The following TNFAIP6 variants were observed in gnomAD, a reference collection of about 807,000 sequenced individuals.
The protein encoded by TNFAIP6 is TNF alpha induced protein 6.
TNFAIP6 carries 36 observed loss-of-function variants against 33.7 expected under a neutral mutation model. The observed-to-expected ratio is 1.07, with a 90% CI of 0.82 to 1.41. The LOEUF (loss-of-function observed/expected upper bound fraction) is 1.41. Ranked by LOEUF, TNFAIP6 falls within the 40% of genes most tolerant of loss-of-function variation. The pLI, the probability that TNFAIP6 is intolerant of heterozygous loss-of-function variation, is 0.00. For synonymous variants in TNFAIP6, 113 were observed against 112.8 expected, an observed-to-expected ratio of 1.00 and a Z score of -0.01; for missense variants, 273 against 331.9, an observed-to-expected ratio of 0.82 and a Z score of 1.38.
intron 1 of TNFAIP6, 117 bp from the exon 2 acceptor site, chr2:151,363,826 C>T (rs1573779461): frequency 3.1e-6 from 4 of 1,310,310 alleles, no homozygotes; most frequent in Non-Finnish European, 3.0e-6. Context: ...GCAGCCAACC[C>T]AGAAAGCCCT....
chr2:151,379,227 TGAGAATCGACCTCTGAATTCTG>T, intron 5 of TNFAIP6, 115 bp from the exon 6 acceptor site: 1 of 790,540 alleles, frequency 1.3e-6, no homozygotes, highest in Non-Finnish European at 1.9e-6. Flanking sequence ...CTCTTCAGCT[TGAGAATCGACCTCTGAATTCTG>T]GGAATCTTGT....
chr2:151,375,956 C>A (rs1684899363), intron 5 of TNFAIP6, among the ~76,000 whole-genome samples: 1 of 152,012 alleles, frequency 6.6e-6, no homozygotes. Context: ...CAAAAAAATA[C>A]AGAAGTCAGC....
chr2:151,361,133 T>G (rs71415134), intron 1 of TNFAIP6, among the ~76,000 whole-genome samples: 37,339 of 152,100 alleles, frequency 0.25, 5,314 homozygotes, highest in East Asian at 0.39. Flanking sequence ...TGGGGTGTTG[T>G]GGCATGATCT....
At chr2:151,380,292 A>G (rs538728800), downstream of TNFAIP6, among the ~76,000 whole-genome samples, 220 of 151,250 alleles carry the variant, frequency 1.5e-3, 1 homozygote, top group African/African-American at 4.6e-3. Context: ...TTCTCTATTG[A>G]TTTGTTAGAA....
At chr2:151,358,421 G>A (rs574982010) in intron 1 of TNFAIP6, among the ~76,000 whole-genome samples, 1 of 152,218 alleles carries the variant, frequency 6.6e-6, no homozygotes, top group Non-Finnish European at 1.5e-5. Context: ...AATGAGACAG[G>A]CCAAACAGTG....
intron 4 of TNFAIP6, among the ~76,000 whole-genome samples, chr2:151,371,664 G>A (rs1474468477): frequency 6.6e-6 from 1 of 150,398 alleles, no homozygotes. Context: ...GCACAATCTC[G>A]GCTCACTGCA....
chr2:151,364,133 T>C, intron 2 of TNFAIP6, 53 bp downstream of exon 2: 8 of 1,583,596 alleles, frequency 5.1e-6, no homozygotes, highest in Non-Finnish European at 6.9e-6. Flanking sequence ...AGGAAAAAAA[T>C]CCATCTTTCC....
In TNFAIP6 at chr2:151,357,776, C is replaced by T. The variant is rs1286519595; in HGVS notation, c.94+16C>T. The T allele has an allele frequency of 6.8e-7, 1 of 1,463,930 alleles. No individual in the cohort carries two copies. Among genetic ancestry groups the T allele is most frequent in the Non-Finnish European group, 9.6e-7 (1 of 1,044,152 alleles). The allele number at this position is 1,463,930 out of a possible 1,614,324, so 90.7% of individuals were successfully genotyped here. ...ATATGGCTTGGTAAGAACCTTCACT[C>T]ATGAGCCTCTTGTTGAGAATGTCAA... On this transcript the variant is annotated intron_variant, in intron 1 of 5. Transcript: ENST00000243347.
rs1684759498 is a variant in TNFAIP6 at position 151,368,748 on chromosome 2, G to T, written c.395-1272G>T. Among the ~76,000 whole-genome samples the T allele has an allele frequency of 3.3e-5, 5 of 152,156 alleles. No homozygotes were observed. The South Asian group carries it at 8.3e-4, about 25-fold the overall frequency. ...TGACTTTAAAGTCTCTTGCGATCAT[G>T]AAATTGTATAATGATTTTCCAAGCA... On this transcript the variant is annotated intron_variant, in intron 3 of 5. Transcript: ENST00000243347.
chr2:151,364,505 C>CT (rs903843505), intron 2 of TNFAIP6, among the ~76,000 whole-genome samples: 1 of 152,056 alleles, frequency 6.6e-6, no homozygotes, highest in Non-Finnish European at 1.5e-5. Context: ...AATTTAGTGG[C>CT]TTTTTTCCCC....
At chr2:151,373,148 T>G (rs1454657503) in intron 4 of TNFAIP6, among the ~76,000 whole-genome samples, 1 of 151,832 alleles carries the variant, frequency 6.6e-6, no homozygotes, top group Non-Finnish European at 1.5e-5. Flanking sequence ...TGAAACCCCA[T>G]CTTTACTAAA....
downstream of TNFAIP6, among the ~76,000 whole-genome samples, chr2:151,381,308 GA>G (rs1445027900): frequency 5.9e-5 from 9 of 151,806 alleles, no homozygotes; most frequent in Non-Finnish European, 1.2e-4. Context: ...TCATCTCTAT[GA>G]AAAAAATTTT....
chr2:151,377,902 GC>G (rs1206887009), intron 5 of TNFAIP6, among the ~76,000 whole-genome samples: 1 of 152,084 alleles, frequency 6.6e-6, no homozygotes, highest in Non-Finnish European at 1.5e-5. Flanking sequence ...ACCTGACTCT[GC>G]CCATTTAGTT....
chr2:151,365,871 C>A (rs560745925), intron 2 of TNFAIP6, among the ~76,000 whole-genome samples, 185 bp from the exon 3 acceptor site: 3 of 152,024 alleles, frequency 2.0e-5, no homozygotes, highest in Admixed American at 6.6e-5. Flanking sequence ...CAATAAAAAT[C>A]AGAAGTTATA....
Position 151,370,184 on chromosome 2 carries a change from G to T in TNFAIP6, c.559G>T (p.Gly187Cys). ...AGATTTTGACCTTGAAGATGACCCA[G>T]GTTGCTTGGCTGATTATGTTGAAAT... ...FLDFDLEDDPGCLADYVEIYD... is the reference protein window; with the variant it reads ...FLDFDLEDDPCCLADYVEIYD... The change falls in exon 4 of 6, where the codon GGT becomes TGT. Residue 187 changes from glycine to cysteine, a missense_variant. By Grantham distance (159) the Gly-to-Cys change is radical. Transcript: ENST00000243347. 3 of 1,614,102 alleles carry T rather than the reference G, an allele frequency of 1.9e-6. No individual in the cohort carries two copies. Among genetic ancestry groups the T allele is most frequent in the East Asian group, 4.5e-5 (2 of 44,878 alleles).
At chr2:151,381,132 C>T (rs1358434164), downstream of TNFAIP6, among the ~76,000 whole-genome samples, 2 of 151,948 alleles carry the variant, frequency 1.3e-5, no homozygotes, top group Admixed American at 1.3e-4. Flanking sequence ...CTTCTCCTTC[C>T]ATCTTCCCTC....
intron 5 of TNFAIP6, among the ~76,000 whole-genome samples, chr2:151,374,563 C>T (rs757286766): frequency 2.0e-5 from 3 of 152,186 alleles, no homozygotes; most frequent in Admixed American, 6.5e-5. Context: ...ACACCCCAGC[C>T]TTTCAGTGAC....
chr2:151,358,605 C>A (rs1163304765), intron 1 of TNFAIP6, among the ~76,000 whole-genome samples: 1 of 152,094 alleles, frequency 6.6e-6, no homozygotes, highest in Admixed American at 6.5e-5. Context: ...TGCATAGATT[C>A]TTGCATAGAA....
intron 5 of TNFAIP6, 130 bp downstream of exon 5, chr2:151,373,719 A>G: frequency 7.1e-6 from 3 of 423,698 alleles, no homozygotes; most frequent in Non-Finnish European, 1.3e-5. Context: ...CCAACACCAG[A>G]TGCAGCTTGC....
Sources: gnomAD v4.1 joint callset for allele counts (sites outside exome capture counted in the v4.1 genomes callset) on GRCh38, gnomAD v4.1.1 for gene constraint, MANE v1.5 for transcripts, NCBI Gene and HGNC (gene_info 2026-07-23, HGNC 2026-07-21) for gene names.